Variants in MCFD2 observed in about 807,000 individuals in gnomAD.
The protein encoded by MCFD2 is multiple coagulation factor deficiency protein 2.
MCFD2 carries 11 observed loss-of-function variants against 12.8 expected under a neutral mutation model. The ratio of observed to expected loss-of-function variants is 0.86; its 90% CI spans 0.54 to 1.42. The LOEUF (loss-of-function observed/expected upper bound fraction) is 1.42, where lower values mean the gene tolerates loss of function less well. MCFD2 is among the 40% of genes most tolerant of loss of function. The pLI is 0.00. For missense variants in MCFD2, 191 were observed against 178.6 expected, an observed-to-expected ratio of 1.07 and a Z score of -0.40; for synonymous variants, 70 against 68.1, an observed-to-expected ratio of 1.03 and a Z score of -0.14.
intron 1 of MCFD2, among the ~76,000 whole-genome samples, chr2:46,909,698 G>A (rs934273335): frequency 5.9e-5 from 9 of 152,144 alleles, no homozygotes; most frequent in Non-Finnish European, 1.3e-4. Context: ...CAGAGTGGCA[G>A]GTGCCCACAA....
chr2:46,923,097 C>T (rs919744149), intron 1 of MCFD2, among the ~76,000 whole-genome samples: 1 of 152,236 alleles, frequency 6.6e-6, no homozygotes, highest in Non-Finnish European at 1.5e-5. Context: ...AGTTGGAGTG[C>T]ACCACCCTCC....
At position 46,941,491 on chromosome 2, in the gene MCFD2, G is replaced by T. The variant is rs770432555; in HGVS notation, c.-8+81C>A. ...CGCCCCAGCCAGGACGCCGCCCCCGGCCGGGTCTCCACTTCTTGGCCGCAC... is the reference window on the plus strand; with the variant it reads ...CGCCCCAGCCAGGACGCCGCCCCCGTCCGGGTCTCCACTTCTTGGCCGCAC... On this transcript the variant is annotated intron_variant, in intron 1 of 2. Coordinates refer to the MCFD2 transcript ENST00000409147. This position sits in a 1 kb window ranked among gnomAD's most constrained non-coding sequence, Gnocchi z 4.2. 2.0e-6 allele frequency: 3 copies of T among 1,524,818 alleles called. No individual in the cohort carries two copies. The highest frequency in any genetic ancestry group is 2.6e-6 in the Non-Finnish European group (3 of 1,134,646). The allele number at this position is 1,524,818 out of a possible 1,614,324, so 94.5% of individuals were successfully genotyped here.
rs188649638 is a variant in MCFD2, at chr2:46,911,416, C to T, written c.-6-2239G>A. Among the ~76,000 whole-genome samples, 273 of 150,882 alleles carry T rather than the reference C, an allele frequency of 1.8e-3. 1 individual carries two copies. Among genetic ancestry groups the T allele is most frequent in the African/African-American group, 6.3e-3 (258 of 41,090 alleles). Reference sequence around the variant, plus strand: ...GTGCTGGGGTTACAGGCATGAGCCACCGTGCCCGGCCACCTCAGACCTTTT... The same window carrying T: ...GTGCTGGGGTTACAGGCATGAGCCATCGTGCCCGGCCACCTCAGACCTTTT... On this transcript the variant is annotated intron_variant, in intron 1 of 3. Coordinates refer to ENST00000319466, the MANE Select transcript of MCFD2 (RefSeq NM_139279.6).
rs560779002 is a variant in MCFD2 at position 46,904,632 on chromosome 2, T to A, written c.*831A>T. 2.0e-5 allele frequency: 3 copies of A among 152,194 alleles called. No individual in the cohort carries two copies. Among genetic ancestry groups the A allele is most frequent in the Non-Finnish European group, 4.4e-5 (3 of 68,054 alleles). 9.4% of individuals were successfully genotyped at this position (152,194 alleles called of 1,614,324 possible). A position where few individuals can be genotyped will look rare whatever the true frequency, so the allele number is the denominator to read the frequency against. ...CCTTTATTTTGGCCAATTTCTCCCATTTGGAACAGCCGTCTTTAATCAATA... is the reference window on the plus strand; with the variant it reads ...CCTTTATTTTGGCCAATTTCTCCCAATTGGAACAGCCGTCTTTAATCAATA... On this transcript the variant is annotated 3_prime_UTR_variant, in exon 4 of 4. Transcript: ENST00000319466.
At chr2:46,909,306 G>A (rs993256852) in intron 1 of MCFD2, 129 bp from the exon 2 acceptor site, 5 of 1,084,662 alleles carry the variant, frequency 4.6e-6, no homozygotes, top group Non-Finnish European at 6.8e-6. Flanking sequence ...TGTCAAACAC[G>A]GCCCAATGCC....
chr2:46,902,643 A>C lies in MCFD2; in HGVS notation c.*2820T>G, dbSNP rs1337077069. The C allele has an allele frequency of 6.6e-6, 1 of 152,670 alleles. No homozygotes were observed. Among genetic ancestry groups the C allele is most frequent in the East Asian group, 1.9e-4 (1 of 5,202 alleles). The allele number at this position is 152,670 out of a possible 1,614,324, so 9.5% of individuals were successfully genotyped here. On this transcript the variant is annotated 3_prime_UTR_variant, in exon 4 of 4. Coordinates refer to ENST00000319466, the MANE Select transcript of MCFD2 (RefSeq NM_139279.6). ...TCATTTCCAAAATGTCAGAGGATAC[A>C]GAATCTTAGACTCTGTGGCTAGGCT...
rs567437345 is a variant in MCFD2 at position 46,922,775 on chromosome 2, A to G, written c.-7-14806T>C. On this transcript the variant is annotated intron_variant, in intron 1 of 2. Transcript: ENST00000409147. ...TTCCCACACTGGAGGAAGCACATCA[A>G]TTCTGCAGCAGACACCAGCTGGGAG... 3.3e-5 allele frequency among the ~76,000 whole-genome samples: 5 copies of G among 152,262 alleles called. No individual in the cohort carries two copies. In the South Asian group the frequency reaches 6.2e-4, roughly 19 times the overall value.
In MCFD2 at chr2:46,909,116, A is replaced by G. The variant is rs1176879847; in HGVS notation, c.56T>C (p.Phe19Ser). 6.2e-7 allele frequency: 1 copy of G among 1,614,150 alleles called. No individual in the cohort carries two copies. The highest frequency in any genetic ancestry group is 8.5e-7 in the Non-Finnish European group (1 of 1,180,052). ...CTCAGCCCTGGCGCCTGGGGCACAA[A>G]AGGCCCAGAGCAGGCCACACAGGAA... ...TPFLCGLLWA[F>S]CAPGARAEEP... Residue 19 changes from phenylalanine (F) to serine (S), a missense_variant, in exon 2 of 4, where the codon TTT becomes TCT. Phe to Ser is a radical substitution (Grantham distance 155). Coordinates refer to ENST00000319466, the MANE Select transcript of MCFD2 (RefSeq NM_139279.6).
chr2:46,927,344 GA>G (rs1246154338), intron 1 of MCFD2, among the ~76,000 whole-genome samples: 2 of 149,606 alleles, frequency 1.3e-5, no homozygotes, highest in Non-Finnish European at 3.0e-5. Flanking sequence ...AAAGATAGAG[GA>G]GAAAAAAAGA....
At position 46,904,453 on chromosome 2, in the gene MCFD2, C is replaced by G. The variant is rs138758588; in HGVS notation, c.*1010G>C. On this transcript the variant is annotated 3_prime_UTR_variant, in exon 4 of 4. Transcript: ENST00000319466. ...CAGCCAGGAGGGAGGCTGTACCCTACAAAGCCACAGGGGCAGAGCTGCCCA... is the reference window on the plus strand; with the variant it reads ...CAGCCAGGAGGGAGGCTGTACCCTAGAAAGCCACAGGGGCAGAGCTGCCCA... 3 of 152,472 alleles carry G rather than the reference C, an allele frequency of 2.0e-5. No individual in the cohort carries two copies. The highest frequency in any genetic ancestry group is 4.8e-5 in the African/African-American group (2 of 41,462). 9.4% of individuals were successfully genotyped at this position (152,472 alleles called of 1,614,324 possible).
Position 46,915,804 on chromosome 2 carries a change from T to TGGGG in MCFD2, c.-89_-88insCCCC. 1 of 568,430 alleles carries TGGGG rather than the reference T, an allele frequency of 1.8e-6. No homozygotes were observed. The highest frequency in any genetic ancestry group is 2.0e-6 in the Non-Finnish European group (1 of 510,736). 35.2% of individuals were successfully genotyped at this position (568,430 alleles called of 1,614,324 possible). On this transcript the variant is annotated 5_prime_UTR_variant, in exon 1 of 4. Coordinates refer to ENST00000319466, the MANE Select transcript of MCFD2 (RefSeq NM_139279.6). ...GTCCCCAAAACGCTCTTCCTCGGCT[T>TGGGG]CGCCCCGCCCCCCCCCCCCCCCCGA...
upstream of MCFD2, among the ~76,000 whole-genome samples, chr2:46,918,173 C>T (rs750599230): frequency 6.6e-6 from 1 of 152,132 alleles, no homozygotes; most frequent in Non-Finnish European, 1.5e-5. Flanking sequence ...TCTTGATTTT[C>T]ACCCCCAAAC....
chr2:46,936,124 T>C lies in MCFD2; in HGVS notation c.-8+5448A>G, dbSNP rs548795982. 5.3e-5 allele frequency among the ~76,000 whole-genome samples: 8 copies of C among 152,260 alleles called. No homozygotes were observed. The East Asian group carries it at 1.5e-3, about 29-fold the overall frequency. On this transcript the variant is annotated intron_variant, in intron 1 of 2. Coordinates refer to the MCFD2 transcript ENST00000409147. ...TAAAAAATAATAAGAAATAAATATATTTGCTTATTTAGCTTCCCAAATACT... is the reference window on the plus strand; with the variant it reads ...TAAAAAATAATAAGAAATAAATATACTTGCTTATTTAGCTTCCCAAATACT...
chr2:46,935,822 G>C (rs1669948527), intron 1 of MCFD2, among the ~76,000 whole-genome samples: 1 of 152,148 alleles, frequency 6.6e-6, no homozygotes, highest in South Asian at 2.1e-4. Context: ...AGGTGTGATG[G>C]CTCACACCTA....
upstream of MCFD2, chr2:46,915,940 G>A (rs1001400932): frequency 1.0e-6 from 1 of 985,196 alleles, no homozygotes; most frequent in Non-Finnish European, 1.2e-6. Flanking sequence ...CGTGTAATCG[G>A]CCCGGGCCCA....
intron 1 of MCFD2, among the ~76,000 whole-genome samples, chr2:46,938,695 G>A (rs1171182508): frequency 6.6e-6 from 1 of 152,146 alleles, no homozygotes; most frequent in Non-Finnish European, 1.5e-5. Flanking sequence ...GGCCCTGTGT[G>A]GTGGGTGGTT....
intron 1 of MCFD2, among the ~76,000 whole-genome samples, chr2:46,921,342 G>A (rs1225967334): frequency 6.6e-6 from 1 of 152,138 alleles, no homozygotes; most frequent in African/African-American, 2.4e-5. Flanking sequence ...ACAATTAATG[G>A]TATGTCTATA....
upstream of MCFD2, among the ~76,000 whole-genome samples, chr2:46,917,563 G>C (rs1427978526): frequency 6.6e-6 from 1 of 152,206 alleles, no homozygotes; most frequent in Non-Finnish European, 1.5e-5. Context: ...GCTGGTGTCT[G>C]GTAGATGGAT....
chr2:46,931,692 T>TAATAAATAAATAAATA (rs10524721), intron 1 of MCFD2, among the ~76,000 whole-genome samples: 1,834 of 148,604 alleles, frequency 0.012, 25 homozygotes, highest in African/African-American at 0.031. Context: ...AAACAGACAA[T>TAATAAATAAATAAATA]AATAAATAAA....
Sources: gnomAD v4.1 joint callset for allele counts (sites outside exome capture counted in the v4.1 genomes callset) on GRCh38, gnomAD v4.1.1 for gene constraint, Gnocchi (gnomAD v3.1) non-coding constraint, MANE v1.5 for transcripts, NCBI Gene and HGNC (gene_info 2026-07-23, HGNC 2026-07-21) for gene names.